The following PCBP3 variants were observed in gnomAD, a reference collection of about 807,000 sequenced individuals.
PCBP3 encodes the protein poly(rC) binding protein 3, also known as poly(rC)-binding protein 3.
A neutral mutation model predicts 52.7 loss-of-function variants in PCBP3; 25 were observed. The ratio of observed to expected loss-of-function variants is 0.47; its 90% CI spans 0.35 to 0.66. The LOEUF is 0.66. PCBP3 is among the 30% of genes least tolerant of loss of function. The pLI is 0.01. For missense variants in PCBP3, 391 were observed against 490.3 expected (o/e 0.80, Z 1.91); for synonymous variants, 162 against 183.0 (o/e 0.89, Z 0.93).
At position 45,933,637 on chromosome 21, in the gene PCBP3, A is replaced by C. The variant is rs1401468183; in HGVS notation, c.857-1616A>C. On this transcript the variant is annotated intron_variant, in intron 15 of 17. Coordinates refer to ENST00000681687, the MANE Select transcript of PCBP3 (RefSeq NM_001384156.1). ...TTTTGAAAGTATCTTTATTAAAAGAATATAAAGAACAGAAACTCTAGGCTT... is the reference window on the plus strand; with the variant it reads ...TTTTGAAAGTATCTTTATTAAAAGACTATAAAGAACAGAAACTCTAGGCTT... Among the ~76,000 whole-genome samples the C allele has an allele frequency of 2.6e-5, 4 of 152,400 alleles. No individual in the cohort carries two copies. The East Asian group carries it at 5.8e-4, about 22-fold the overall frequency.
intron 4 of PCBP3, among the ~76,000 whole-genome samples, chr21:45,778,393 TG>T (rs2090405449): frequency 6.6e-6 from 1 of 152,174 alleles, no homozygotes. Context: ...GGCCGATTAT[TG>T]GGCCTCCATG....
chr21:45,750,227 A>G (rs1317974153), intron 3 of PCBP3: 1 of 152,306 alleles, frequency 6.6e-6, no homozygotes, highest in Non-Finnish European at 1.5e-5. Context: ...CACGACTAAT[A>G]AACCATCTGC....
chr21:45,698,295 T>A (rs1156338367), intron 2 of PCBP3, among the ~76,000 whole-genome samples: 1 of 152,224 alleles, frequency 6.6e-6, no homozygotes, highest in African/African-American at 2.4e-5. Context: ...CTTCTCTGAT[T>A]ATGCATACCT....
intron 4 of PCBP3, among the ~76,000 whole-genome samples, chr21:45,811,777 C>T (rs1046355502): frequency 1.3e-5 from 2 of 152,152 alleles, no homozygotes; most frequent in Admixed American, 6.5e-5. Flanking sequence ...AAAAGTAGCA[C>T]GTGCTTTGAG....
At chr21:45,918,720 G>A (rs565946918) in intron 13 of PCBP3, 1 of 143,936 alleles carries the variant, frequency 6.9e-6, no homozygotes, top group South Asian at 2.2e-4. Flanking sequence ...AACCGTCGGT[G>A]TAATTCCAGT....
At chr21:45,781,046 G>A (rs1211129136) in intron 4 of PCBP3, among the ~76,000 whole-genome samples, 1 of 152,186 alleles carries the variant, frequency 6.6e-6, no homozygotes, top group East Asian at 1.9e-4. Context: ...CCAGGAGGCT[G>A]TGGTGTAAGG....
intron 1 of PCBP3, among the ~76,000 whole-genome samples, chr21:45,662,658 T>C (rs2080482451): frequency 6.6e-6 from 1 of 151,936 alleles, no homozygotes; most frequent in Non-Finnish European, 1.5e-5. Flanking sequence ...ATTCAAATAA[T>C]ATAATAATCC....
At chr21:45,806,138 G>A (rs1053968006) in intron 4 of PCBP3, among the ~76,000 whole-genome samples, 3 of 152,268 alleles carry the variant, frequency 2.0e-5, no homozygotes, top group African/African-American at 7.2e-5. Context: ...TGCACAGAGT[G>A]TGGAAGACCC....
rs143204360 is a variant in PCBP3, at chr21:45,882,676, T to C, written c.11-13532T>C. 2.2e-4 allele frequency among the ~76,000 whole-genome samples: 33 copies of C among 152,370 alleles called. 1 individual carries two copies. The East Asian group carries it at 5.8e-3, about 27-fold the overall frequency. On this transcript the variant is annotated intron_variant, in intron 5 of 17. Transcript: ENST00000681687. Reference sequence around the variant, plus strand: ...GTTGCAGATCTTACATTTAAGTCTTTAACCCATTTTGAGTTGATTTTTATA... The same window carrying C: ...GTTGCAGATCTTACATTTAAGTCTTCAACCCATTTTGAGTTGATTTTTATA...
At chr21:45,801,603 A>G (rs1234805775) in intron 4 of PCBP3, among the ~76,000 whole-genome samples, 2 of 151,522 alleles carry the variant, frequency 1.3e-5, no homozygotes, top group Non-Finnish European at 2.9e-5. Context: ...GGTGCTGGTC[A>G]CTGACCCGCC....
At chr21:45,785,708 A>G (rs1400807371) in intron 4 of PCBP3, among the ~76,000 whole-genome samples, 1 of 152,228 alleles carries the variant, frequency 6.6e-6, no homozygotes, top group Non-Finnish European at 1.5e-5. Context: ...AAAGGTGGGG[A>G]AAAGATTGAG....
intron 4 of PCBP3, among the ~76,000 whole-genome samples, chr21:45,782,545 G>A (rs1414557952): frequency 1.3e-5 from 2 of 152,188 alleles, no homozygotes; most frequent in African/African-American, 4.8e-5. Context: ...AATGCAAGAG[G>A]CCTGCAGGAT....
intron 5 of PCBP3, among the ~76,000 whole-genome samples, chr21:45,861,101 C>T (rs2094494808): frequency 6.6e-6 from 1 of 152,224 alleles, no homozygotes; most frequent in South Asian, 2.1e-4. Context: ...GTCACACCCT[C>T]AGCTCCTCCC....
At chr21:45,834,549 A>G (rs551936083) in intron 4 of PCBP3, among the ~76,000 whole-genome samples, 1 of 152,258 alleles carries the variant, frequency 6.6e-6, no homozygotes, top group East Asian at 1.9e-4. Context: ...CTGGCCTCAC[A>G]ACAGAAGACG....
At chr21:45,913,041 T>C (rs1236678350) in intron 11 of PCBP3, among the ~76,000 whole-genome samples, 1 of 152,118 alleles carries the variant, frequency 6.6e-6, no homozygotes. Context: ...GAACGGCTCA[T>C]GGGCTCCAGC....
intron 13 of PCBP3, among the ~76,000 whole-genome samples, chr21:45,921,223 A>T (rs2074388146): frequency 9.7e-6 from 1 of 102,712 alleles, no homozygotes; most frequent in Admixed American, 9.9e-5. Context: ...TTAAAGCTTC[A>T]ATTTCTTACT....
chr21:45,826,119 G>A (rs969744863), intron 4 of PCBP3, among the ~76,000 whole-genome samples: 5 of 152,058 alleles, frequency 3.3e-5, no homozygotes, highest in Admixed American at 6.5e-5. Context: ...TTAGCCAGGC[G>A]TGGTGGCACA....
At chr21:45,756,048 G>A (rs1294464025) in intron 4 of PCBP3, among the ~76,000 whole-genome samples, 1 of 152,114 alleles carries the variant, frequency 6.6e-6, no homozygotes, top group African/African-American at 2.4e-5. Context: ...AAATTATATA[G>A]TTTTAGGTCT....
chr21:45,906,261 A>G lies in PCBP3; in HGVS notation c.340-3094A>G, dbSNP rs575652851. ...CAGCAAAGTTGTGTTTCGGTTCAGT[A>G]CCCCTAGGAAGTAAGGGAGAATAAT... On this transcript the variant is annotated intron_variant, in intron 9 of 17. Transcript: ENST00000681687. Among the ~76,000 whole-genome samples, 25 of 152,164 alleles carry G rather than the reference A, an allele frequency of 1.6e-4. No individual in the cohort carries two copies. The South Asian group carries it at 5.2e-3, about 32-fold the overall frequency.
Sources: gnomAD v4.1 joint callset for allele counts (sites outside exome capture counted in the v4.1 genomes callset) on GRCh38, gnomAD v4.1.1 for gene constraint, MANE v1.5 for transcripts, NCBI Gene and HGNC (gene_info 2026-07-23, HGNC 2026-07-21) for gene names.